PPFIA2: variants seen among roughly 807,000 people sequenced by gnomAD.
PPFIA2 encodes the protein liprin-alpha-2.
In PPFIA2, 46 loss-of-function variants were observed where a neutral mutation model predicts 175.5. That is an observed-to-expected ratio of 0.26 (90% CI 0.21 to 0.34). The LOEUF is 0.34. Among genes scored for constraint, PPFIA2 ranks in the 10% least tolerant of loss-of-function variants. PPFIA2 has a pLI of 1.00. For synonymous variants in PPFIA2, 568 were observed against 511.4 expected, an observed-to-expected ratio of 1.11 and a Z score of -1.49; for missense variants, 1,179 against 1,506.1, an observed-to-expected ratio of 0.78 and a Z score of 3.60.
At chr12:81,603,560 C>A (rs1306207422) in intron 4 of PPFIA2, among the ~76,000 whole-genome samples, 1 of 151,422 alleles carries the variant, frequency 6.6e-6, no homozygotes, top group South Asian at 2.1e-4. Context: ...TTATATATAT[C>A]AAATCCATTC....
At chr12:81,372,318 T>A (rs1278619818) in intron 11 of PPFIA2, among the ~76,000 whole-genome samples, 1 of 151,380 alleles carries the variant, frequency 6.6e-6, no homozygotes, top group Non-Finnish European at 1.5e-5. Flanking sequence ...AAGGTGACAG[T>A]AAAGTAGAAA....
Position 81,620,604 on chromosome 12 carries a change from A to T in PPFIA2, c.303+56187T>A, listed in dbSNP as rs1459259161. Among the ~76,000 whole-genome samples, 5 of 152,190 alleles carry T rather than the reference A, an allele frequency of 3.3e-5. No individual in the cohort carries two copies. The East Asian group carries it at 7.7e-4, about 23-fold the overall frequency. ...ATCTACTACTGATTTTAAACTGATG[A>T]TGTAATATCTTGTGCTGTCCTAAAA... On this transcript the variant is annotated intron_variant, in intron 4 of 32. Transcript: ENST00000549396.
intron 4 of PPFIA2, among the ~76,000 whole-genome samples, chr12:81,637,068 C>CT (rs1014344936): frequency 1.8e-4 from 26 of 147,870 alleles, no homozygotes; most frequent in South Asian, 1.1e-3. Context: ...TACTCTATAT[C>CT]TTTTTTTTTT....
At chr12:81,595,277 ATGTT>A (rs2059123241) in intron 4 of PPFIA2, among the ~76,000 whole-genome samples, 1 of 151,452 alleles carries the variant, frequency 6.6e-6, no homozygotes, top group African/African-American at 2.4e-5. Flanking sequence ...ATATATATAT[ATGTT>A]TGTTTTAAAG....
At chr12:81,347,911 CTTTTT>C in intron 17 of PPFIA2, 141 bp from the exon 18 acceptor site, 1 of 1,171,914 alleles carries the variant, frequency 8.5e-7, no homozygotes, top group Non-Finnish European at 1.1e-6. Flanking sequence ...ATTTTTTCAT[CTTTTT>C]TTTTTCTCTA....
chr12:81,572,205 T>C (rs1243823154), intron 4 of PPFIA2, among the ~76,000 whole-genome samples: 1 of 151,898 alleles, frequency 6.6e-6, no homozygotes, highest in African/African-American at 2.4e-5. Context: ...TCTCCCTACT[T>C]CTATCCCTGC....
intron 22 of PPFIA2, among the ~76,000 whole-genome samples, chr12:81,300,898 G>T (rs576405644): frequency 2.1e-4 from 32 of 152,242 alleles, no homozygotes; most frequent in African/African-American, 7.2e-4. Context: ...TGTGTTTGGT[G>T]TGGAAAATAG....
At chr12:81,538,602 C>A (rs1160473509) in intron 4 of PPFIA2, among the ~76,000 whole-genome samples, 1 of 151,782 alleles carries the variant, frequency 6.6e-6, no homozygotes, top group Non-Finnish European at 1.5e-5. Flanking sequence ...GCTATTTCAA[C>A]AAAGACTTGA....
intron 4 of PPFIA2, among the ~76,000 whole-genome samples, chr12:81,581,463 C>T (rs1390345197): frequency 1.3e-5 from 2 of 151,764 alleles, no homozygotes; most frequent in Non-Finnish European, 2.9e-5. Context: ...ACTTTACGCG[C>T]AGGTCCTCTT....
At chr12:81,433,563 A>T (rs1055156498) in intron 7 of PPFIA2, among the ~76,000 whole-genome samples, 1 of 152,142 alleles carries the variant, frequency 6.6e-6, no homozygotes, top group East Asian at 1.9e-4. Context: ...CACATGGTAG[A>T]GATTAATTAA....
intron 8 of PPFIA2, among the ~76,000 whole-genome samples, chr12:81,392,335 G>A (rs1342432816): frequency 6.6e-6 from 1 of 151,752 alleles, no homozygotes; most frequent in African/African-American, 2.4e-5. Context: ...GCAAAATCCT[G>A]GACTGGGTTT....
intron 32 of PPFIA2, 83 bp from the exon 33 acceptor site, chr12:81,259,743 C>T: frequency 1.6e-6 from 2 of 1,228,606 alleles, no homozygotes; most frequent in Non-Finnish European, 2.3e-6. Context: ...GGTGTACCTC[C>T]ACGCAGCCTG....
At chr12:81,376,059 A>G in intron 9 of PPFIA2, 117 bp from the exon 10 acceptor site, 1 of 911,472 alleles carries the variant, frequency 1.1e-6, no homozygotes, top group South Asian at 1.7e-5. Flanking sequence ...GTAAATACTC[A>G]TTCCTTTCTT....
At chr12:81,520,704 C>T (rs1278508067) in intron 4 of PPFIA2, among the ~76,000 whole-genome samples, 3 of 152,150 alleles carry the variant, frequency 2.0e-5, no homozygotes, top group Non-Finnish European at 4.4e-5. Context: ...AAGACAACAG[C>T]TGAGAGGAAG....
intron 4 of PPFIA2, among the ~76,000 whole-genome samples, chr12:81,531,859 A>C (rs911725837): frequency 6.6e-6 from 1 of 151,978 alleles, no homozygotes; most frequent in South Asian, 2.1e-4. Context: ...GGTAAGAAAT[A>C]ATGAGGACAG....
chr12:81,663,593 C>G (rs2153552722), intron 4 of PPFIA2, among the ~76,000 whole-genome samples: 2 of 152,222 alleles, frequency 1.3e-5, no homozygotes, highest in South Asian at 4.1e-4. Context: ...GAATCAATAT[C>G]ATGAAAATGG....
intron 4 of PPFIA2, among the ~76,000 whole-genome samples, chr12:81,636,872 C>G (rs1345611610): frequency 1.3e-5 from 2 of 151,820 alleles, no homozygotes; most frequent in Non-Finnish European, 1.5e-5. Flanking sequence ...AGGCTGGTCT[C>G]AAACTCCTGA....
intron 4 of PPFIA2, among the ~76,000 whole-genome samples, chr12:81,601,533 T>C (rs1385514661): frequency 6.6e-6 from 1 of 151,948 alleles, no homozygotes; most frequent in Non-Finnish European, 1.5e-5. Flanking sequence ...AACACATCCC[T>C]TTAACTCATG....
chr12:81,325,709 A>T, intron 22 of PPFIA2, 68 bp downstream of exon 22: 1 of 1,154,580 alleles, frequency 8.7e-7, no homozygotes, highest in Non-Finnish European at 1.3e-6. Flanking sequence ...CTCTCTTTTT[A>T]ATTCCCTATA....
Sources: gnomAD v4.1 joint callset for allele counts (sites outside exome capture counted in the v4.1 genomes callset) on GRCh38, gnomAD v4.1.1 for gene constraint, MANE v1.5 for transcripts, NCBI Gene and HGNC (gene_info 2026-07-23, HGNC 2026-07-21) for gene names.